EYS: variants seen among roughly 807,000 people sequenced by gnomAD.
EYS encodes protein eyes shut homolog.
A neutral mutation model predicts 282.1 loss-of-function variants in EYS; 250 were observed. The observed-to-expected ratio is 0.89, with a 90% CI of 0.80 to 0.98. The LOEUF (loss-of-function observed/expected upper bound fraction) is 0.98. EYS is among the 50% of genes least tolerant of loss of function. EYS has a pLI of 0.00. For missense variants in EYS, 4,016 were observed against 3,709.0 expected, an observed-to-expected ratio of 1.08 and a Z score of -2.15; for synonymous variants, 1,355 against 1,282.9, an observed-to-expected ratio of 1.06 and a Z score of -1.20.
At chr6:64,330,941 T>A (rs944507985) in intron 29 of EYS, among the ~76,000 whole-genome samples, 1 of 152,116 alleles carries the variant, frequency 6.6e-6, no homozygotes, top group African/African-American at 2.4e-5. Flanking sequence ...AAACAGTGGA[T>A]GAGGTTTTCT....
chr6:65,291,043 A>G (rs1392680015), intron 12 of EYS, among the ~76,000 whole-genome samples: 1 of 151,520 alleles, frequency 6.6e-6, no homozygotes, highest in Admixed American at 6.6e-5. Context: ...AATAATAAAA[A>G]GAAAATAAAA....
intron 1 of EYS, among the ~76,000 whole-genome samples, chr6:65,680,447 A>G (rs1768775897): frequency 6.6e-6 from 1 of 151,990 alleles, no homozygotes; most frequent in South Asian, 2.1e-4. Flanking sequence ...AAGCATCATC[A>G]GCATTTTATT....
In EYS at chr6:64,323,410, C is replaced by A. The variant is rs550145459; in HGVS notation, c.6079-16328G>T. On this transcript the variant is annotated intron_variant, in intron 29 of 42. Coordinates refer to ENST00000503581, the MANE Select transcript of EYS (RefSeq NM_001142800.2). ...ATTGCATGGATATATCATATTTTAT[C>A]TATACATCGCTTGATTCGCCTTTGG... 2.0e-5 allele frequency among the ~76,000 whole-genome samples: 3 copies of A among 152,196 alleles called. No homozygotes were observed. In the South Asian group the frequency reaches 6.2e-4, roughly 32 times the overall value.
chr6:65,370,691 C>A (rs554956558), intron 8 of EYS, among the ~76,000 whole-genome samples: 10 of 151,924 alleles, frequency 6.6e-5, no homozygotes, highest in African/African-American at 1.7e-4. Context: ...ATCTGGCTTT[C>A]CAGGCTTGGT....
chr6:64,746,111 G>T (rs575674633), intron 22 of EYS, among the ~76,000 whole-genome samples: 1 of 152,012 alleles, frequency 6.6e-6, no homozygotes, highest in Non-Finnish European at 1.5e-5. Context: ...AGAAGTATGA[G>T]AAATAAAAGT....
At chr6:64,056,976 C>A (rs1174281430) in intron 33 of EYS, among the ~76,000 whole-genome samples, 1 of 151,956 alleles carries the variant, frequency 6.6e-6, no homozygotes, top group Non-Finnish European at 1.5e-5. Context: ...TAGAATTAGG[C>A]CAGCTAATAG....
At chr6:63,781,354 CATG>C (rs1226247519) in intron 39 of EYS, among the ~76,000 whole-genome samples, 1 of 152,142 alleles carries the variant, frequency 6.6e-6, no homozygotes, top group East Asian at 1.9e-4. Context: ...TGGCCATTTT[CATG>C]ATATTGATTC....
chr6:64,627,857 A>G (rs1002649354), intron 22 of EYS, among the ~76,000 whole-genome samples: 1 of 152,184 alleles, frequency 6.6e-6, no homozygotes, highest in African/African-American at 2.4e-5. Context: ...AGGCGGGTGG[A>G]TCATGAGGTC....
Position 63,720,782 on chromosome 6 carries a change from G to A in EYS, c.9249C>T (p.Gly3083=), listed in dbSNP as rs767297095. 6.4e-7 allele frequency: 1 copy of A among 1,550,586 alleles called. No homozygotes were observed. Among genetic ancestry groups the A allele is most frequent in the South Asian group, 1.2e-5 (1 of 84,018 alleles). The change falls in exon 43 of 43, where the codon GGC becomes GGT. Residue 3083 remains glycine, a synonymous_variant. Transcript: ENST00000503581. The stretch of plus-strand genomic sequence containing the variant: ...ATTCAAAGCCCCCTAGATAACAAAT[G>A]CCATCATAGTTTAGAGCCACAAAGT... The part of the protein sequence containing the change: ...HKNFVALNYD[G]ICYLGGFEYG...
intron 12 of EYS, among the ~76,000 whole-genome samples, chr6:65,148,769 G>T (rs2150213690): frequency 6.6e-6 from 1 of 152,192 alleles, no homozygotes; most frequent in South Asian, 2.1e-4. Flanking sequence ...TGGACATCCA[G>T]GCATTTCCAT....
At chr6:65,605,594 T>C (rs891477658) in intron 2 of EYS, among the ~76,000 whole-genome samples, 21 of 152,084 alleles carry the variant, frequency 1.4e-4, no homozygotes, top group African/African-American at 4.1e-4. Flanking sequence ...CAAAGATATA[T>C]ATCCATAAGT....
At chr6:65,256,153 G>A (rs912255271) in intron 12 of EYS, among the ~76,000 whole-genome samples, 7 of 151,664 alleles carry the variant, frequency 4.6e-5, no homozygotes, top group South Asian at 2.1e-4. Flanking sequence ...ACACACTGAA[G>A]TACTATTCAG....
intron 22 of EYS, among the ~76,000 whole-genome samples, chr6:64,650,602 GT>G (rs1768522784): frequency 6.6e-6 from 1 of 151,198 alleles, no homozygotes; most frequent in South Asian, 2.1e-4. Context: ...TTACAATATT[GT>G]TTTGAGGAAA....
At chr6:65,160,669 A>G (rs1264250685) in intron 12 of EYS, among the ~76,000 whole-genome samples, 4 of 150,944 alleles carry the variant, frequency 2.6e-5, no homozygotes, top group African/African-American at 9.7e-5. Context: ...CCTTTCGTTC[A>G]TCCCACGTTA....
intron 26 of EYS, among the ~76,000 whole-genome samples, chr6:64,542,183 G>T (rs1764710288): frequency 6.6e-6 from 1 of 151,952 alleles, no homozygotes; most frequent in African/African-American, 2.4e-5. Flanking sequence ...TTTCCATCAA[G>T]AAAGAAAAAT....
chr6:65,553,629 A>T (rs965177252), intron 2 of EYS, among the ~76,000 whole-genome samples: 7 of 152,140 alleles, frequency 4.6e-5, no homozygotes, highest in Non-Finnish European at 8.8e-5. Flanking sequence ...ATTAACACTT[A>T]GAAATCTTGC....
At chr6:64,157,811 C>T (rs976602370) in intron 31 of EYS, among the ~76,000 whole-genome samples, 2 of 152,154 alleles carry the variant, frequency 1.3e-5, no homozygotes, top group East Asian at 1.9e-4. Flanking sequence ...TGCAGGAGTG[C>T]GGCACTAATG....
In EYS at chr6:64,910,079, T is replaced by TA. The variant is rs1767946918; in HGVS notation, c.2641+2404dup. Among the ~76,000 whole-genome samples the TA allele has an allele frequency of 3.3e-5, 5 of 152,148 alleles. No homozygotes were observed. The South Asian group carries it at 1.0e-3, about 32-fold the overall frequency. Reference sequence around the variant, plus strand: ...GCCTAAAGCCTTAAATTTCTACTCTTACGACCTGTCCTATTTTAGTCAATT... The same window carrying TA: ...GCCTAAAGCCTTAAATTTCTACTCTTAACGACCTGTCCTATTTTAGTCAATT... On this transcript the variant is annotated intron_variant, in intron 16 of 42. Transcript: ENST00000503581.
At chr6:65,431,806 G>A (rs1487986739) in intron 5 of EYS, among the ~76,000 whole-genome samples, 1 of 151,964 alleles carries the variant, frequency 6.6e-6, no homozygotes, top group Non-Finnish European at 1.5e-5. Flanking sequence ...TAGTTATAAT[G>A]TTTATTTTAA....
Sources: allele counts gnomAD v4.1 joint callset (sites outside exome capture counted in the v4.1 genomes callset), GRCh38; gene constraint gnomAD v4.1.1; transcripts MANE v1.5; gene names NCBI Gene and HGNC (gene_info 2026-07-23, HGNC 2026-07-21).